GRIP1: variants seen among roughly 807,000 people sequenced by gnomAD.
GRIP1 encodes the protein glutamate receptor interacting protein 1.
A neutral mutation model predicts 129.9 loss-of-function variants in GRIP1; 45 were observed. The observed-to-expected ratio is 0.35, with a 90% CI of 0.27 to 0.44. The LOEUF is 0.44. GRIP1 is among the 20% of genes least tolerant of loss of function. GRIP1 has a pLI of 1.00. For synonymous variants in GRIP1, 530 were observed against 520.8 expected (o/e 1.02, Z -0.24); for missense variants, 1,196 against 1,396.8 (o/e 0.86, Z 2.29).
chr12:66,952,627 A>G (rs1021843074), intron 1 of GRIP1, among the ~76,000 whole-genome samples: 3 of 152,206 alleles, frequency 2.0e-5, no homozygotes, highest in African/African-American at 7.2e-5. Context: ...AGGACTTAAG[A>G]ACAAAATATG....
chr12:66,719,244 T>C (rs2035985861), intron 1 of GRIP1, among the ~76,000 whole-genome samples: 1 of 152,130 alleles, frequency 6.6e-6, no homozygotes, highest in Admixed American at 6.6e-5. Context: ...TATTTTGCTC[T>C]AGAAGATAAT....
chr12:66,762,362 G>T (rs919673364), intron 1 of GRIP1, among the ~76,000 whole-genome samples: 2 of 152,134 alleles, frequency 1.3e-5, no homozygotes, highest in African/African-American at 4.8e-5. Context: ...AGGCTGGGAG[G>T]ACCCCAATCC....
chr12:66,802,258 T>A (rs1271811978), intron 1 of GRIP1, among the ~76,000 whole-genome samples: 1 of 152,158 alleles, frequency 6.6e-6, no homozygotes, highest in African/African-American at 2.4e-5. Context: ...AATTTGCAAC[T>A]AACTCCACAA....
rs995590946 is a variant in GRIP1 at position 66,706,458 on chromosome 12, C to T, written c.-419-76122G>A. ...TCAACCATTGTGGAAGACAGTATGG[C>T]GATTCCTCAAGGATCTAGAATCAGA... On this transcript the variant is annotated intron_variant, in intron 1 of 4. Transcript: ENST00000538373. Among the ~76,000 whole-genome samples the T allele has an allele frequency of 7.2e-5, 11 of 152,124 alleles. No homozygotes were observed. In the East Asian group the frequency reaches 9.7e-4, roughly 13 times the overall value.
At chr12:66,458,935 C>T (rs7311930) in intron 9 of GRIP1, among the ~76,000 whole-genome samples, 34,350 of 152,174 alleles carry the variant, frequency 0.23, 4,425 homozygotes, top group Middle Eastern at 0.41. Context: ...GAAGTTGTTG[C>T]TGATCTCCCT....
chr12:66,523,576 T>C (rs928449679), intron 5 of GRIP1, among the ~76,000 whole-genome samples: 20 of 151,466 alleles, frequency 1.3e-4, no homozygotes, highest in African/African-American at 4.9e-4. Context: ...TGCAAAAACA[T>C]GCCAAAATGT....
rs1252019273 is a variant in GRIP1 at position 66,386,415 on chromosome 12, C to T, written c.2464+5893G>A. Among the ~76,000 whole-genome samples, 11 of 152,138 alleles carry T rather than the reference C, an allele frequency of 7.2e-5. No individual in the cohort carries two copies. In the South Asian group the frequency reaches 8.3e-4, roughly 12 times the overall value. On this transcript the variant is annotated intron_variant, in intron 19 of 24. Transcript: ENST00000359742. ...TTGGGAGGCCGAGGCAGGTGGATCG[C>T]GAGGTCAGGAAGATCAACACCATCC...
chr12:66,670,925 T>C (rs1196316726), intron 1 of GRIP1, among the ~76,000 whole-genome samples: 1 of 152,120 alleles, frequency 6.6e-6, no homozygotes, highest in African/African-American at 2.4e-5. Flanking sequence ...TGAGTAAAAT[T>C]CCTGGGCTTG....
At chr12:66,485,047 GT>G (rs1369952928) in intron 7 of GRIP1, among the ~76,000 whole-genome samples, 3 of 152,168 alleles carry the variant, frequency 2.0e-5, no homozygotes, top group Non-Finnish European at 4.4e-5. Flanking sequence ...CCATAACTAG[GT>G]TTGGAATTGT....
intron 23 of GRIP1, among the ~76,000 whole-genome samples, chr12:66,371,027 T>G (rs1227357174): frequency 6.6e-6 from 1 of 152,132 alleles, no homozygotes; most frequent in Non-Finnish European, 1.5e-5. Context: ...CCTTTTTCTG[T>G]GAAGCTATGA....
chr12:67,069,109 G>C (rs1191037029), exon 1 of GRIP1: 12 of 985,230 alleles, frequency 1.2e-5, no homozygotes, highest in Non-Finnish European at 1.4e-5. Flanking sequence ...GCCGGGCATG[G>C]TGTCGCTCCC....
At chr12:66,615,071 G>T (rs1471829866) in intron 1 of GRIP1, among the ~76,000 whole-genome samples, 1 of 151,994 alleles carries the variant, frequency 6.6e-6, no homozygotes, top group Non-Finnish European at 1.5e-5. Flanking sequence ...TTTAATGTCT[G>T]TCTCCCTTAC....
chr12:66,939,473 T>C (rs1005059044), intron 1 of GRIP1, among the ~76,000 whole-genome samples: 9 of 152,142 alleles, frequency 5.9e-5, no homozygotes, highest in African/African-American at 1.9e-4. Flanking sequence ...GGTAAGTATA[T>C]ACAACTAGAT....
chr12:66,877,217 C>T (rs1364382888), intron 1 of GRIP1, among the ~76,000 whole-genome samples: 1 of 152,058 alleles, frequency 6.6e-6, no homozygotes, highest in Non-Finnish European at 1.5e-5. Context: ...CATGTGCACA[C>T]ATCTGACTAT....
intron 1 of GRIP1, among the ~76,000 whole-genome samples, chr12:66,936,074 G>C (rs992374922): frequency 6.6e-6 from 1 of 152,130 alleles, no homozygotes; most frequent in African/African-American, 2.4e-5. Context: ...TGAGCTCTCT[G>C]GTAGGTAGGT....
At chr12:66,821,211 T>C (rs2039311708) in intron 1 of GRIP1, among the ~76,000 whole-genome samples, 1 of 152,206 alleles carries the variant, frequency 6.6e-6, no homozygotes, top group South Asian at 2.1e-4. Flanking sequence ...AACCTAGCCC[T>C]TTTCTAGTAT....
At chr12:66,976,781 GAAT>G (rs2042158935) in intron 1 of GRIP1, among the ~76,000 whole-genome samples, 1 of 152,244 alleles carries the variant, frequency 6.6e-6, no homozygotes, top group East Asian at 1.9e-4. Flanking sequence ...TCTTGCTTCT[GAAT>G]GACTATCTGA....
At position 66,445,350 on chromosome 12, in the gene GRIP1, A is replaced by T; in HGVS notation, c.1513T>A (p.Tyr505Asn). The T allele has an allele frequency of 2.5e-6, 4 of 1,614,178 alleles. No individual in the cohort carries two copies. The highest frequency in any genetic ancestry group is 3.4e-6 in the Non-Finnish European group (4 of 1,179,984). ...TCTGCTGGGCTGTCAGCTTCGATATAGGAAATCAGAGGTGGAGAAGAGAGA... is the reference window on the plus strand; with the variant it reads ...TCTGCTGGGCTGTCAGCTTCGATATTGGAAATCAGAGGTGGAGAAGAGAGA... ...ETLSSPPLIS[Y>N]IEADSPAERC... The change falls in exon 12 of 25, where the codon TAT becomes AAT. Residue 505 changes from tyrosine (Y) to asparagine (N), a missense_variant. Tyr to Asn is a moderately radical substitution (Grantham distance 143). This residue lies in a region of GRIP1 where 508 missense variants were observed against 587.0 expected (regional missense o/e 0.87). Coordinates refer to ENST00000359742, the MANE Select transcript of GRIP1 (RefSeq NM_001366722.1).
chr12:66,594,773 C>T (rs1182343127), intron 2 of GRIP1, among the ~76,000 whole-genome samples: 2 of 152,284 alleles, frequency 1.3e-5, no homozygotes, highest in South Asian at 2.1e-4. Flanking sequence ...CACAAGTGGA[C>T]ATGGTAGGTG....
Sources: allele counts gnomAD v4.1 joint callset (sites outside exome capture counted in the v4.1 genomes callset), GRCh38; gene constraint gnomAD v4.1.1; regional missense constraint gnomAD v4.1.1; transcripts MANE v1.5; gene names NCBI Gene and HGNC (gene_info 2026-07-23, HGNC 2026-07-21).